The following PDE4B variants were observed in gnomAD, a reference collection of about 807,000 sequenced individuals.
PDE4B encodes the protein phosphodiesterase 4B.
A neutral mutation model predicts 82.2 loss-of-function variants in PDE4B; 20 were observed. The ratio of observed to expected loss-of-function variants is 0.24; its 90% CI spans 0.17 to 0.35. The LOEUF is 0.35. Among genes scored for constraint, PDE4B ranks in the 10% least tolerant of loss-of-function variants. The pLI, the probability that PDE4B is intolerant of heterozygous loss-of-function variation, is 1.00. For synonymous variants in PDE4B, 320 were observed against 318.9 expected (o/e 1.00, Z -0.04); for missense variants, 655 against 907.2 (o/e 0.72, Z 3.57).
At chr1:65,998,721 A>G (rs949533288) in intron 3 of PDE4B, among the ~76,000 whole-genome samples, 1 of 152,176 alleles carries the variant, frequency 6.6e-6, no homozygotes, top group African/African-American at 2.4e-5. Context: ...TGTAGATAGT[A>G]CTAGCTGGTA....
intron 1 of PDE4B, among the ~76,000 whole-genome samples, chr1:65,856,713 G>A (rs11208762): frequency 0.11 from 16,999 of 152,174 alleles, 1,075 homozygotes; most frequent in Non-Finnish European, 0.14. Flanking sequence ...GGATTGCTTG[G>A]TCAAATGGTA....
intron 3 of PDE4B, among the ~76,000 whole-genome samples, chr1:66,178,212 A>G (rs1373814288): frequency 6.6e-6 from 1 of 152,094 alleles, no homozygotes; most frequent in African/African-American, 2.4e-5. Flanking sequence ...ATTGTTTTTA[A>G]AAACTACTTT....
chr1:66,135,537 C>G (rs923377364), intron 3 of PDE4B, among the ~76,000 whole-genome samples: 1 of 152,036 alleles, frequency 6.6e-6, no homozygotes, highest in Admixed American at 6.6e-5. Flanking sequence ...ATATGGAAAT[C>G]AAGGATGATT....
chr1:66,251,595 G>A (rs149853251), intron 4 of PDE4B, among the ~76,000 whole-genome samples: 5 of 152,290 alleles, frequency 3.3e-5, no homozygotes, highest in African/African-American at 1.2e-4. Context: ...TCAGATAAGG[G>A]CAGGCATAGA....
chr1:65,918,520 T>G, intron 2 of PDE4B, 77 bp from the exon 3 acceptor site: 1 of 829,180 alleles, frequency 1.2e-6, no homozygotes, highest in Non-Finnish European at 2.1e-6. Flanking sequence ...GATCATTTAG[T>G]TTCTTCTTTC....
intron 3 of PDE4B, among the ~76,000 whole-genome samples, chr1:66,100,826 T>A (rs2455024): frequency 0.49 from 74,985 of 152,022 alleles, 19,028 homozygotes; most frequent in East Asian, 0.67. Context: ...ACCCAGTAAT[T>A]TTTTTATTTT....
chr1:66,296,719 G>A (rs941968163), intron 7 of PDE4B, among the ~76,000 whole-genome samples: 3 of 152,054 alleles, frequency 2.0e-5, no homozygotes, highest in Non-Finnish European at 4.4e-5. Flanking sequence ...AGAGGCTGGC[G>A]CATATTTGTT....
chr1:66,305,159 G>A (rs1448948291), intron 7 of PDE4B, among the ~76,000 whole-genome samples: 1 of 152,126 alleles, frequency 6.6e-6, no homozygotes, highest in East Asian at 1.9e-4. Context: ...AGGGATGGTT[G>A]GAGGGATAAG....
chr1:65,970,758 A>G (rs976429623), intron 3 of PDE4B, among the ~76,000 whole-genome samples: 2 of 152,060 alleles, frequency 1.3e-5, no homozygotes, highest in African/African-American at 4.8e-5. Context: ...TGGGGAAGAA[A>G]GGAAGGAGAA....
chr1:66,080,628 G>A (rs1656673868), intron 3 of PDE4B, among the ~76,000 whole-genome samples: 1 of 152,066 alleles, frequency 6.6e-6, no homozygotes, highest in Non-Finnish European at 1.5e-5. Flanking sequence ...GTGCTGAGGA[G>A]CCCCATCTTA....
chr1:66,171,679 T>C (rs1646839098), intron 3 of PDE4B, among the ~76,000 whole-genome samples: 1 of 152,170 alleles, frequency 6.6e-6, no homozygotes, highest in Admixed American at 6.6e-5. Context: ...ACCAGCTATA[T>C]AACCTCAAGC....
At chr1:66,326,973 C>T (rs1316586952) in intron 7 of PDE4B, among the ~76,000 whole-genome samples, 1 of 152,202 alleles carries the variant, frequency 6.6e-6, no homozygotes. Context: ...GATTACACTT[C>T]CCTGCACAGA....
chr1:65,921,890 A>C (rs1040364466), intron 3 of PDE4B, among the ~76,000 whole-genome samples: 1 of 152,254 alleles, frequency 6.6e-6, no homozygotes, highest in African/African-American at 2.4e-5. Context: ...CAAATAAGTC[A>C]TAAGTATGGG....
chr1:66,025,887 T>A (rs1653407298), intron 3 of PDE4B, among the ~76,000 whole-genome samples: 1 of 152,210 alleles, frequency 6.6e-6, no homozygotes, highest in African/African-American at 2.4e-5. Context: ...GTTAGAGTAT[T>A]AAGTGTCAAA....
intron 3 of PDE4B, among the ~76,000 whole-genome samples, chr1:66,174,271 G>A (rs1646890630): frequency 1.3e-5 from 2 of 152,284 alleles, no homozygotes; most frequent in South Asian, 4.1e-4. Context: ...GGAAATCCTT[G>A]AGCAAAGAGA....
intron 3 of PDE4B, among the ~76,000 whole-genome samples, chr1:66,178,941 T>A (rs923353391): frequency 6.6e-6 from 1 of 152,054 alleles, no homozygotes; most frequent in Admixed American, 6.6e-5. Flanking sequence ...AACCTCCACC[T>A]CCGGGTTCAA....
At chr1:66,240,273 G>A (rs1030842992) in intron 3 of PDE4B, among the ~76,000 whole-genome samples, 7 of 152,212 alleles carry the variant, frequency 4.6e-5, no homozygotes, top group African/African-American at 1.7e-4. Flanking sequence ...TTGTTCATTT[G>A]TTTATTCATC....
At chr1:65,800,501 C>T (rs1304922321) in intron 1 of PDE4B, among the ~76,000 whole-genome samples, 2 of 152,136 alleles carry the variant, frequency 1.3e-5, no homozygotes, top group African/African-American at 4.8e-5. Context: ...GTCCTGAGTT[C>T]CAGTGCTGCT....
chr1:66,341,138 C>T (rs1660950731), intron 8 of PDE4B, among the ~76,000 whole-genome samples: 1 of 152,142 alleles, frequency 6.6e-6, no homozygotes, highest in African/African-American at 2.4e-5. Context: ...TGGCTTTTGC[C>T]ACTAATGACA....
Sources: gnomAD v4.1 joint callset for allele counts (sites outside exome capture counted in the v4.1 genomes callset) on GRCh38, gnomAD v4.1.1 for gene constraint, MANE v1.5 for transcripts, NCBI Gene and HGNC (gene_info 2026-07-23, HGNC 2026-07-21) for gene names.